Variants in MAPK4 observed in about 807,000 individuals in gnomAD.
MAPK4 encodes Erk3-related.
MAPK4 carries 22 observed loss-of-function variants against 47.7 expected under a neutral mutation model. The ratio of observed to expected loss-of-function variants is 0.46; its 90% CI spans 0.33 to 0.66. The LOEUF (loss-of-function observed/expected upper bound fraction) is 0.66, where lower values mean the gene tolerates loss of function less well. MAPK4 is among the 30% of genes least tolerant of loss of function. The probability of loss-of-function intolerance (pLI) is 0.02; values close to 1 mark genes in which losing one functional copy is unlikely to be tolerated. For synonymous variants in MAPK4, 390 were observed against 365.7 expected, an observed-to-expected ratio of 1.07 and a Z score of -0.76; for missense variants, 736 against 831.7, an observed-to-expected ratio of 0.88 and a Z score of 1.42.
intron 2 of MAPK4, among the ~76,000 whole-genome samples, chr18:50,667,711 GT>G (rs1292597621): frequency 6.6e-6 from 1 of 152,184 alleles, no homozygotes; most frequent in African/African-American, 2.4e-5. Flanking sequence ...CTGGAGCCTT[GT>G]TTGGAAAAAC....
At chr18:50,674,375 T>C (rs577727584) in intron 2 of MAPK4, among the ~76,000 whole-genome samples, 1 of 152,352 alleles carries the variant, frequency 6.6e-6, no homozygotes, top group East Asian at 1.9e-4. Context: ...GACAGTAGTA[T>C]AGAAATAGAA....
chr18:50,584,483 C>T (rs2042372703), intron 1 of MAPK4, among the ~76,000 whole-genome samples: 1 of 152,248 alleles, frequency 6.6e-6, no homozygotes, highest in African/African-American at 2.4e-5. Flanking sequence ...AGCAGTGCAG[C>T]CTCCTGAAAT....
intron 1 of MAPK4, among the ~76,000 whole-genome samples, chr18:50,564,312 A>G (rs2042179783): frequency 6.6e-6 from 1 of 152,230 alleles, no homozygotes; most frequent in Admixed American, 6.5e-5. Flanking sequence ...TATGGGCCAG[A>G]TAATTTTTTG....
chr18:50,581,485 C>T (rs2042344296), intron 1 of MAPK4, among the ~76,000 whole-genome samples: 1 of 152,218 alleles, frequency 6.6e-6, no homozygotes, highest in Non-Finnish European at 1.5e-5. Flanking sequence ...ACCTCTACAA[C>T]CTGGACTCTG....
chr18:50,586,352 A>T (rs2042387874), intron 1 of MAPK4, among the ~76,000 whole-genome samples: 1 of 151,774 alleles, frequency 6.6e-6, no homozygotes, highest in African/African-American at 2.4e-5. Context: ...TAAAAATGCA[A>T]ATTATAAGGG....
chr18:50,614,570 A>G (rs553315454), intron 1 of MAPK4, among the ~76,000 whole-genome samples: 25 of 152,312 alleles, frequency 1.6e-4, no homozygotes, highest in Non-Finnish European at 2.8e-4. Context: ...AATATAAAGG[A>G]TCAGTTTCAC....
At chr18:50,713,775 G>A (rs1019359550) in intron 2 of MAPK4, among the ~76,000 whole-genome samples, 3 of 152,260 alleles carry the variant, frequency 2.0e-5, no homozygotes, top group African/African-American at 7.2e-5. Context: ...AAGGACAGAA[G>A]AAGAGGGCAC....
rs117415813 is a variant in MAPK4 at position 50,716,035 on chromosome 18, T to A, written c.691+812T>A. ...CCTAGTGAACCTTCAAAACCCAGCTTATGTCTTGTCCTCCATGACGTCTCT... is the reference window on the plus strand; with the variant it reads ...CCTAGTGAACCTTCAAAACCCAGCTAATGTCTTGTCCTCCATGACGTCTCT... On this transcript the variant is annotated intron_variant, in intron 3 of 5. Transcript: ENST00000400384. Among the ~76,000 whole-genome samples, 793 of 152,318 alleles carry A rather than the reference T, an allele frequency of 5.2e-3. 4 individuals are homozygous for A. Among genetic ancestry groups the A allele is most frequent in the Non-Finnish European group, 8.6e-3 (583 of 68,028 alleles).
At chr18:50,706,812 C>T (rs1016458793) in intron 2 of MAPK4, among the ~76,000 whole-genome samples, 4 of 152,296 alleles carry the variant, frequency 2.6e-5, no homozygotes, top group Admixed American at 6.5e-5. Context: ...ACCCACCTCT[C>T]TACCCAGCCC....
chr18:50,559,734 G>A (rs1483369106), upstream of MAPK4, among the ~76,000 whole-genome samples: 4 of 151,574 alleles, frequency 2.6e-5, no homozygotes, highest in Non-Finnish European at 5.9e-5. Context: ...GACGGAGCCC[G>A]AGGATCCCCC....
At chr18:50,655,695 C>A (rs2043102308) in intron 1 of MAPK4, among the ~76,000 whole-genome samples, 1 of 152,182 alleles carries the variant, frequency 6.6e-6, no homozygotes, top group Admixed American at 6.5e-5. Context: ...AGCAGTTACA[C>A]AGCAGTTCTT....
chr18:50,712,567 T>G, intron 2 of MAPK4, among the ~76,000 whole-genome samples: 1 of 146,466 alleles, frequency 6.8e-6, no homozygotes. Context: ...AAGGAAGAGC[T>G]GGAAAGCAAC....
chr18:50,697,237 C>T (rs1437137080), intron 2 of MAPK4, among the ~76,000 whole-genome samples: 1 of 152,170 alleles, frequency 6.6e-6, no homozygotes, highest in Admixed American at 6.5e-5. Flanking sequence ...TAACTAGCCA[C>T]TCTCACCTTC....
At chr18:50,639,707 A>G (rs1466058680) in intron 1 of MAPK4, among the ~76,000 whole-genome samples, 2 of 152,196 alleles carry the variant, frequency 1.3e-5, no homozygotes, top group African/African-American at 4.8e-5. Context: ...ATGTCTTTAA[A>G]TGGCCTTTTC....
chr18:50,721,305 G>A (rs1482438551), intron 3 of MAPK4, among the ~76,000 whole-genome samples: 3 of 152,138 alleles, frequency 2.0e-5, no homozygotes, highest in Non-Finnish European at 4.4e-5. Context: ...GAAGGTGCTC[G>A]ATAAATAACT....
Position 50,625,945 on chromosome 18 carries a change from T to G in MAPK4, c.-870-37144T>G, listed in dbSNP as rs60973596. ...ACACACACATATATAATGACATTTA[T>G]TTTAAGGACTCAGCTCAAGTGATTA... On this transcript the variant is annotated intron_variant, in intron 1 of 5. Transcript: ENST00000400384. 9.0e-3 allele frequency among the ~76,000 whole-genome samples: 1,368 copies of G among 151,374 alleles called. 21 individuals carry two copies. The highest frequency in any genetic ancestry group is 0.032 in the African/African-American group (1,312 of 41,154).
At chr18:50,577,500 T>C (rs867082588) in intron 1 of MAPK4, among the ~76,000 whole-genome samples, 12 of 152,282 alleles carry the variant, frequency 7.9e-5, no homozygotes, top group Middle Eastern at 3.4e-3. Flanking sequence ...GGGAATCAGA[T>C]TTTTTGTGAA....
chr18:50,636,236 G>C (rs376011420), intron 1 of MAPK4, among the ~76,000 whole-genome samples: 1 of 152,182 alleles, frequency 6.6e-6, no homozygotes, highest in Non-Finnish European at 1.5e-5. Context: ...CTCTCGCAAC[G>C]TCAGGGTCAC....
chr18:50,561,795 G>A (rs2042155913), intron 1 of MAPK4, among the ~76,000 whole-genome samples: 1 of 152,174 alleles, frequency 6.6e-6, no homozygotes, highest in Non-Finnish European at 1.5e-5. Flanking sequence ...GGGCTGAATA[G>A]TAAAAAGGCT....
Sources: allele counts gnomAD v4.1 joint callset (sites outside exome capture counted in the v4.1 genomes callset), GRCh38; gene constraint gnomAD v4.1.1; transcripts MANE v1.5; gene names NCBI Gene and HGNC (gene_info 2026-07-23, HGNC 2026-07-21).